The following LRRC74A variants were observed in gnomAD, a reference collection of about 807,000 sequenced individuals.
The protein encoded by LRRC74A is leucine-rich repeat-containing protein 74A.
Under a neutral mutation model 57.9 loss-of-function variants are expected in LRRC74A, and 44 were observed. That is an observed-to-expected ratio of 0.76 (90% CI 0.60 to 0.98). LRRC74A has a LOEUF of 0.98. LRRC74A is among the 50% of genes least tolerant of loss of function. The probability of loss-of-function intolerance (pLI) is 0.00; values close to 1 mark genes in which losing one functional copy is unlikely to be tolerated. For missense variants in LRRC74A, 572 were observed against 574.0 expected (o/e 1.00, Z 0.04); for synonymous variants, 211 against 219.4 (o/e 0.96, Z 0.34).
intron 11 of LRRC74A, 44 bp from the exon 12 acceptor site, chr14:76,865,924 T>C (rs1394667927): frequency 1.9e-5 from 27 of 1,422,766 alleles, no homozygotes; most frequent in Non-Finnish European, 2.5e-5. Flanking sequence ...CGATCGTTGT[T>C]ACAAGACCAA....
intron 5 of LRRC74A, 67 bp downstream of exon 5, chr14:76,838,038 G>A: frequency 9.6e-7 from 1 of 1,040,970 alleles, no homozygotes; most frequent in Non-Finnish European, 1.4e-6. Context: ...GAAAAACAGA[G>A]AATTCAATGT....
rs750006143 is a variant in LRRC74A at position 76,852,376 on chromosome 14, G to A, written c.688G>A (p.Gly230Arg). The A allele has an allele frequency of 1.1e-5, 18 of 1,610,932 alleles. No individual in the cohort carries two copies. Among genetic ancestry groups the A allele is most frequent in the Non-Finnish European group, 1.4e-5 (17 of 1,177,860 alleles). The change falls in exon 8 of 14, where the codon GGG becomes AGG. Residue 230 changes from glycine (G) to arginine (R), a missense_variant. By Grantham distance (125) the Gly-to-Arg change is moderately radical. Transcript: ENST00000689127. ...CCTCCCTGTTTCAGCCATCAACGTG[G>A]GGCTCACGTCACTGGATCTGAGCTG... ...HLGQMLAINV[G>R]LTSLDLSWNN...
At chr14:76,838,877 A>G (rs1291843420) in intron 5 of LRRC74A, among the ~76,000 whole-genome samples, 6 of 152,246 alleles carry the variant, frequency 3.9e-5, no homozygotes, top group Non-Finnish European at 8.8e-5. Flanking sequence ...GTGGGATTAC[A>G]GGCATAAGCC....
intron 5 of LRRC74A, among the ~76,000 whole-genome samples, chr14:76,841,190 T>C (rs1036489725): frequency 2.0e-5 from 3 of 152,098 alleles, no homozygotes; most frequent in African/African-American, 7.2e-5. Context: ...TACAGGCGCC[T>C]GCTGCCATGC....
At chr14:76,837,288 C>A (rs1896422726) in intron 4 of LRRC74A, among the ~76,000 whole-genome samples, 1 of 152,016 alleles carries the variant, frequency 6.6e-6, no homozygotes, top group Non-Finnish European at 1.5e-5. Flanking sequence ...ATGCTTAATA[C>A]CACGCCACTG....
chr14:76,869,222 C>T (rs950487409), intron 13 of LRRC74A, among the ~76,000 whole-genome samples: 3 of 152,330 alleles, frequency 2.0e-5, no homozygotes, highest in African/African-American at 4.8e-5. Context: ...CCAGGTTCCA[C>T]GTCCAGCAAA....
At chr14:76,856,284 C>T (rs1018575888) in intron 9 of LRRC74A, among the ~76,000 whole-genome samples, 1 of 152,206 alleles carries the variant, frequency 6.6e-6, no homozygotes, top group African/African-American at 2.4e-5. Context: ...CTCCATGTTC[C>T]CCTCCCCTAT....
At chr14:76,869,622 T>C (rs866270276) in intron 13 of LRRC74A, among the ~76,000 whole-genome samples, 24 of 151,308 alleles carry the variant, frequency 1.6e-4, no homozygotes, top group African/African-American at 5.3e-4. Flanking sequence ...ATTAGCCAGG[T>C]GTGGTGGCAG....
At chr14:76,842,358 A>G (rs1292229209) in intron 5 of LRRC74A, among the ~76,000 whole-genome samples, 5 of 152,250 alleles carry the variant, frequency 3.3e-5, no homozygotes, top group Non-Finnish European at 5.9e-5. Context: ...TGCATTGGCT[A>G]AGACCCCTAA....
chr14:76,854,020 C>T (rs528817848), intron 9 of LRRC74A, among the ~76,000 whole-genome samples: 1 of 152,176 alleles, frequency 6.6e-6, no homozygotes, highest in Non-Finnish European at 1.5e-5. Flanking sequence ...CTTCCTGTTG[C>T]TCAGATCCTG....
chr14:76,845,086 G>T (rs766348327), intron 7 of LRRC74A, among the ~76,000 whole-genome samples, 185 bp downstream of exon 7: 5 of 152,230 alleles, frequency 3.3e-5, no homozygotes, highest in Non-Finnish European at 5.9e-5. Flanking sequence ...AACTTCAGGA[G>T]CCTGAGGCAG....
chr14:76,836,098 T>G, intron 3 of LRRC74A, 109 bp from the exon 4 acceptor site: 1 of 770,868 alleles, frequency 1.3e-6, no homozygotes, highest in East Asian at 2.7e-5. Flanking sequence ...TCAGAATTCC[T>G]AGCCTGCATC....
chr14:76,828,442 A>G, intron 2 of LRRC74A, 23 bp downstream of exon 2: 1 of 1,613,662 alleles, frequency 6.2e-7, no homozygotes. Flanking sequence ...ATTTGGGGGC[A>G]GTCAGGGCAG....
At chr14:76,841,499 C>T (rs1424532121) in intron 5 of LRRC74A, among the ~76,000 whole-genome samples, 2 of 151,662 alleles carry the variant, frequency 1.3e-5, no homozygotes, top group African/African-American at 4.8e-5. Context: ...TATTCTTGTG[C>T]AGTTTCTCCT....
At chr14:76,846,233 C>T (rs1897109704) in intron 7 of LRRC74A, among the ~76,000 whole-genome samples, 1 of 152,212 alleles carries the variant, frequency 6.6e-6, no homozygotes, top group South Asian at 2.1e-4. Flanking sequence ...GAAAGGTTCT[C>T]CTTGTCATCT....
chr14:76,828,661 T>G (rs975117591), intron 2 of LRRC74A: 2 of 640,402 alleles, frequency 3.1e-6, no homozygotes, highest in African/African-American at 3.6e-5. Context: ...CACGTCGTCT[T>G]GTTAAAAGCG....
intron 7 of LRRC74A, among the ~76,000 whole-genome samples, chr14:76,850,858 AAAAAAAG>A (rs1189155322): frequency 1.3e-5 from 2 of 150,036 alleles, no homozygotes; most frequent in South Asian, 2.1e-4. Flanking sequence ...AAAAAAAAAA[AAAAAAAG>A]AAAGAAAGAA....
At chr14:76,864,434 A>AGGGGGGGGGGGGGGGGGGGGGGGGGGGGG (rs1566744817) in intron 11 of LRRC74A, among the ~76,000 whole-genome samples, 1 of 4,220 alleles carries the variant, frequency 2.4e-4, no homozygotes, top group Non-Finnish European at 4.6e-4. Flanking sequence ...TGGCGGGGGG[A>AGGGGGGGGGGGGGGGGGGGGGGGGGGGGG]AGGGGGGTGG....
intron 5 of LRRC74A, among the ~76,000 whole-genome samples, chr14:76,840,584 C>CTTT (rs34388699): frequency 1.1e-4 from 14 of 130,056 alleles, no homozygotes; most frequent in South Asian, 2.5e-4. Flanking sequence ...TTATGTATTT[C>CTTT]TTTTTTTTTT....
Sources: gnomAD v4.1 joint callset for allele counts (sites outside exome capture counted in the v4.1 genomes callset) on GRCh38, gnomAD v4.1.1 for gene constraint, MANE v1.5 for transcripts, NCBI Gene and HGNC (gene_info 2026-07-23, HGNC 2026-07-21) for gene names.